The following PCDHA5 variants were observed in gnomAD, a reference collection of about 807,000 sequenced individuals.
PCDHA5 encodes protocadherin alpha-5.
PCDHA5 carries 43 observed loss-of-function variants against 61.6 expected under a neutral mutation model. That is an observed-to-expected ratio of 0.70 (90% confidence interval 0.55 to 0.90). PCDHA5 has a LOEUF of 0.90. PCDHA5 is among the 40% of genes least tolerant of loss of function. PCDHA5 has a pLI of 0.00. For missense variants in PCDHA5, 1,298 were observed against 1,222.7 expected (o/e 1.06, Z -0.92); for synonymous variants, 627 against 543.9 (o/e 1.15, Z -2.13).
At chr5:140,922,548 G>T (rs2080883425) in intron 1 of PCDHA5, among the ~76,000 whole-genome samples, 2 of 152,172 alleles carry the variant, frequency 1.3e-5, no homozygotes, top group Non-Finnish European at 2.9e-5. Flanking sequence ...GCAAGGTAAG[G>T]AGAAAAGTCA....
chr5:140,988,936 T>C (rs2097321406), intron 3 of PCDHA5: 1 of 152,158 alleles, frequency 6.6e-6, no homozygotes, highest in Non-Finnish European at 1.5e-5. Flanking sequence ...ACTGTTCTCT[T>C]AGGCTGCAGT....
intron 1 of PCDHA5, among the ~76,000 whole-genome samples, chr5:140,965,664 ATAAATG>A (rs1251201552): frequency 1.3e-5 from 2 of 152,254 alleles, no homozygotes; most frequent in Non-Finnish European, 2.9e-5. Flanking sequence ...GTCTTGGGTG[ATAAATG>A]TAAAAGATTT....
chr5:140,925,124 A>AGGAAGGAAGG (rs1554202565), intron 1 of PCDHA5, among the ~76,000 whole-genome samples: 1 of 151,854 alleles, frequency 6.6e-6, no homozygotes. Flanking sequence ...GAAGGAAGGA[A>AGGAAGGAAGG]AAAAAATTTC....
intron 1 of PCDHA5, chr5:140,869,579 A>T: frequency 8.1e-6 from 13 of 1,614,178 alleles, no homozygotes; most frequent in Non-Finnish European, 1.0e-5. Context: ...GGAGCTTCTG[A>T]TGCTGACATT....
At position 140,848,822 on chromosome 5, in the gene PCDHA5, CG is replaced by C. The variant is rs2150421614; in HGVS notation, c.2352+24696del. ...AGTGCAGCATCCACCTGGAGGTGAT[CG>C]TAGACAGGCCGCTGCAGGTTTTCCA... is the stretch of plus-strand genomic sequence containing the variant. On this transcript the variant is annotated intron_variant, in intron 1 of 3. Coordinates refer to ENST00000529859, the MANE Select transcript of PCDHA5 (RefSeq NM_018908.3). 4.4e-6 allele frequency: 7 copies of C among 1,590,462 alleles called. 1 individual carries two copies. Among genetic ancestry groups the C allele is most frequent in the Admixed American group, 3.4e-5 (2 of 58,802 alleles).
chr5:140,899,653 T>C (rs1478658505), intron 1 of PCDHA5, among the ~76,000 whole-genome samples: 1 of 152,220 alleles, frequency 6.6e-6, no homozygotes, highest in African/African-American at 2.4e-5. Context: ...TATTTGGTTG[T>C]GTCTCTGCCC....
At chr5:140,850,115 G>A (rs2150468444) in intron 1 of PCDHA5, 17 of 1,595,978 alleles carry the variant, frequency 1.1e-5, no homozygotes, top group Non-Finnish European at 1.5e-5. Flanking sequence ...CGCGCGACGC[G>A]GGCGTGCCGC....
At position 140,900,569 on chromosome 5, in the gene PCDHA5, A is replaced by AC. The variant is rs201845192; in HGVS notation, c.2352+76444dup. 8.0e-3 allele frequency among the ~76,000 whole-genome samples: 1,218 copies of AC among 152,298 alleles called. 6 individuals carry two copies. Among genetic ancestry groups the AC allele is most frequent in the African/African-American group, 0.019 (786 of 41,566 alleles). On this transcript the variant is annotated intron_variant, in intron 1 of 3. Coordinates refer to ENST00000529859, the MANE Select transcript of PCDHA5 (RefSeq NM_018908.3). The stretch of plus-strand genomic sequence containing the variant: ...TGGGATTACAGGCGTGAGCCACGGC[A>AC]CCGGCCCATTTTCTTTACCCGTTCA...
intron 1 of PCDHA5, chr5:140,831,274 GTCT>G (rs1554133162): frequency 2.0e-5 from 3 of 152,218 alleles, no homozygotes; most frequent in East Asian, 3.9e-4. Flanking sequence ...TCACTTGATG[GTCT>G]TCTCTTCATG....
At chr5:140,830,998 TA>T (rs1184514649) in intron 1 of PCDHA5, 3 of 152,294 alleles carry the variant, frequency 2.0e-5, no homozygotes, top group Admixed American at 6.5e-5. Flanking sequence ...TCATAGTTTT[TA>T]TCTGTGGTTC....
At chr5:140,851,235 T>C (rs2041998909) in intron 1 of PCDHA5, 4 of 1,129,042 alleles carry the variant, frequency 3.5e-6, no homozygotes, top group Non-Finnish European at 4.5e-6. Flanking sequence ...CATTTATTTA[T>C]TGCTAAATGA....
chr5:140,841,675 T>C (rs2150320492), intron 1 of PCDHA5: 8 of 1,613,878 alleles, frequency 5.0e-6, no homozygotes, highest in East Asian at 2.2e-5. Context: ...AGGTTTTCCA[T>C]GTGGACGTGG....
Position 140,821,896 on chromosome 5 carries a change from G to C in PCDHA5, c.121G>C (p.Gly41Arg). Reference sequence around the variant, plus strand: ...CTCGATCCCGGAGGAAGCCAAACACGGAACCTTCGTTGGCCGCATCGCGCA... The same window carrying C: ...CTCGATCCCGGAGGAAGCCAAACACCGAACCTTCGTTGGCCGCATCGCGCA... The part of the protein sequence containing the change: ...HYSIPEEAKH[G>R]TFVGRIAQDL... The change falls in exon 1 of 4, where the codon GGA becomes CGA. Residue 41 changes from glycine (G) to arginine (R), a missense_variant. Transcript: ENST00000529859. 5 of 1,614,236 alleles carry C rather than the reference G, an allele frequency of 3.1e-6. No homozygotes were observed. Among genetic ancestry groups the C allele is most frequent in the Non-Finnish European group, 4.2e-6 (5 of 1,180,036 alleles).
At chr5:140,840,332 C>G (rs1776661015) in intron 1 of PCDHA5, among the ~76,000 whole-genome samples, 1 of 151,624 alleles carries the variant, frequency 6.6e-6, no homozygotes, top group African/African-American at 2.4e-5. Context: ...ATTTTCTAGG[C>G]AATGTTAGGG....
intron 1 of PCDHA5, chr5:140,928,426 TC>T (rs781827449): frequency 1.9e-6 from 3 of 1,614,134 alleles, no homozygotes; most frequent in South Asian, 2.2e-5. Context: ...TGCCAAAACT[TC>T]CTTTGACTTT....
At chr5:140,849,723 G>A (rs1554143223) in intron 1 of PCDHA5, 1 of 1,598,414 alleles carries the variant, frequency 6.3e-7, no homozygotes. Flanking sequence ...GTTGGTGCTG[G>A]ACAGAGCTCT....
At chr5:140,855,488 C>T (rs569322371) in intron 1 of PCDHA5, among the ~76,000 whole-genome samples, 1 of 149,546 alleles carries the variant, frequency 6.7e-6, no homozygotes. Flanking sequence ...ACATTAGTGT[C>T]TAAATAAACC....
In PCDHA5 at chr5:140,953,934, C is replaced by T. The variant is rs2094953906; in HGVS notation, c.2353-25015C>T. 2.6e-5 allele frequency among the ~76,000 whole-genome samples: 4 copies of T among 152,200 alleles called. No homozygotes were observed. The South Asian group carries it at 8.3e-4, about 32-fold the overall frequency. On this transcript the variant is annotated intron_variant, in intron 1 of 3. Transcript: ENST00000529859. ...TTAGGTATTCTTCCTGATGCTCTCC[C>T]TCCCATTGCTCCCCCAACAGGCCCC...
chr5:140,909,343 C>G (rs148713510), intron 1 of PCDHA5, among the ~76,000 whole-genome samples: 2 of 152,264 alleles, frequency 1.3e-5, no homozygotes, highest in African/African-American at 4.8e-5. Context: ...ATACCAGGTA[C>G]CAAGAGATGT....
Sources: gnomAD v4.1 joint callset for allele counts (sites outside exome capture counted in the v4.1 genomes callset) on GRCh38, gnomAD v4.1.1 for gene constraint, MANE v1.5 for transcripts, NCBI Gene and HGNC (gene_info 2026-07-23, HGNC 2026-07-21) for gene names.